RRP36: variants seen among roughly 807,000 people sequenced by gnomAD.
RRP36 encodes ribosomal RNA processing 36.
RRP36 carries 44 observed loss-of-function variants against 39.8 expected under a neutral mutation model. That is an observed-to-expected ratio of 1.10 (90% confidence interval 0.87 to 1.42). The LOEUF (loss-of-function observed/expected upper bound fraction) is 1.42, where lower values mean the gene tolerates loss of function less well. Among genes scored for constraint, RRP36 ranks in the 40% most tolerant of loss-of-function variants. The probability of loss-of-function intolerance (pLI) is 0.00; values close to 1 mark genes in which losing one functional copy is unlikely to be tolerated. For synonymous variants in RRP36, 124 were observed against 123.1 expected (o/e 1.01, Z -0.05); for missense variants, 316 against 322.4 (o/e 0.98, Z 0.15).
intron 6 of RRP36, among the ~76,000 whole-genome samples, chr6:43,028,134 TG>T (rs1018510035): frequency 1.3e-5 from 2 of 150,414 alleles, no homozygotes; most frequent in African/African-American, 4.9e-5. Flanking sequence ...GAGACCAGCC[TG>T]GGGGCCAACA....
At chr6:43,023,577 AG>A (rs1561862214) in intron 1 of RRP36, among the ~76,000 whole-genome samples, 1 of 151,716 alleles carries the variant, frequency 6.6e-6, no homozygotes, top group African/African-American at 2.4e-5. Flanking sequence ...CCTTAGTCCC[AG>A]CTACTGAGGA....
chr6:43,027,893 T>C (rs1404775341), intron 6 of RRP36, among the ~76,000 whole-genome samples: 2 of 142,682 alleles, frequency 1.4e-5, no homozygotes, highest in Non-Finnish European at 1.5e-5. Flanking sequence ...CACAGAGTTT[T>C]ATCTCTTGGT....
intron 1 of RRP36, 27 bp from the exon 2 acceptor site, chr6:43,024,958 G>C: frequency 6.2e-7 from 1 of 1,612,128 alleles, no homozygotes; most frequent in Non-Finnish European, 8.5e-7. Context: ...GCTGAGCTGA[G>C]TTGTATGTCC....
chr6:43,025,403 C>T (rs1762794776), intron 3 of RRP36, 74 bp downstream of exon 3: 2 of 1,350,358 alleles, frequency 1.5e-6, no homozygotes, highest in East Asian at 2.3e-5. Flanking sequence ...TGGGCGATCA[C>T]CTGAGATCAG....
At chr6:43,024,900 C>T (rs1294152741) in intron 1 of RRP36, 85 bp from the exon 2 acceptor site, 10 of 1,505,458 alleles carry the variant, frequency 6.6e-6, no homozygotes, top group Admixed American at 3.5e-5. Flanking sequence ...TTAGGATTAG[C>T]TAGCTAAGGA....
intron 3 of RRP36, among the ~76,000 whole-genome samples, 155 bp from the exon 4 acceptor site, chr6:43,025,882 G>A (rs559412352): frequency 3.3e-5 from 5 of 152,140 alleles, no homozygotes; most frequent in Admixed American, 1.3e-4. Flanking sequence ...GCAGTGAGCC[G>A]AGATTGCACC....
chr6:43,029,118 GAGA>G lies in RRP36; in HGVS notation c.673_675del (p.Lys225del). 6.2e-7 allele frequency: 1 copy of G among 1,614,252 alleles called. No individual in the cohort carries two copies. The highest frequency in any genetic ancestry group is 8.5e-7 in the Non-Finnish European group (1 of 1,180,050). On this transcript the variant is annotated inframe_deletion, in exon 7 of 7. Transcript: ENST00000244496. ...TGAGCAGCGCCAGTTGGCACTAGCT[GAGA>G]AGTTCAAGGAGCTGAAACGCAGCAA...
chr6:43,021,895 G>A (rs1225179827), intron 1 of RRP36, 111 bp downstream of exon 1: 2 of 805,250 alleles, frequency 2.5e-6, no homozygotes, highest in East Asian at 3.7e-5. Flanking sequence ...AGAGGCAGAC[G>A]CTACACTAGG....
At position 43,025,041 on chromosome 6, in the gene RRP36, A is replaced by G; in HGVS notation, c.187A>G (p.Lys63Glu). 1 of 1,614,250 alleles carries G rather than the reference A, an allele frequency of 6.2e-7. No homozygotes were observed. Among genetic ancestry groups the G allele is most frequent in the Non-Finnish European group, 8.5e-7 (1 of 1,180,044 alleles). Residue 63 changes from lysine (K) to glutamate (E), a missense_variant, in exon 2 of 7, where the codon AAG becomes GAG. Lys to Glu is a moderately conservative substitution (Grantham distance 56). Transcript: ENST00000244496. Reference sequence around the variant, plus strand: ...GGAATTGCAGAGCCAAGTGGGGACTAAGACGTACAAACAATTGGTAGCTGG... The same window carrying G: ...GGAATTGCAGAGCCAAGTGGGGACTGAGACGTACAAACAATTGGTAGCTGG... The part of the protein sequence containing the change: ...LLELQSQVGT[K>E]TYKQLVAGNS...
chr6:43,027,872 C>G (rs967182803), intron 6 of RRP36, among the ~76,000 whole-genome samples: 4 of 148,912 alleles, frequency 2.7e-5, no homozygotes, highest in African/African-American at 1.0e-4. Context: ...TTGGTCTATA[C>G]TACACACACA....
Position 43,029,100 on chromosome 6 carries a change from C to G in RRP36, c.652C>G (p.Arg218Gly). ...RPYFLKKSEQ[R>G]QLALAEKFKE... ...TTCTCCCTGTCATTTAGCTGAGCAGCGCCAGTTGGCACTAGCTGAGAAGTT... is the reference window on the plus strand; with the variant it reads ...TTCTCCCTGTCATTTAGCTGAGCAGGGCCAGTTGGCACTAGCTGAGAAGTT... The change falls in exon 7 of 7, where the codon CGC becomes GGC. Residue 218 changes from arginine to glycine, a missense_variant. Arg to Gly is a moderately radical substitution (Grantham distance 125, BLOSUM62 -2). Coordinates refer to ENST00000244496, the MANE Select transcript of RRP36 (RefSeq NM_033112.4). 2 of 1,614,162 alleles carry G rather than the reference C, an allele frequency of 1.2e-6. No homozygotes were observed. Among genetic ancestry groups the G allele is most frequent in the African/African-American group, 2.7e-5 (2 of 75,042 alleles).
At chr6:43,023,259 G>A (rs1762759684) in intron 1 of RRP36, among the ~76,000 whole-genome samples, 2 of 152,112 alleles carry the variant, frequency 1.3e-5, no homozygotes, top group East Asian at 1.9e-4. Context: ...ATTTAGCCAG[G>A]GTGGTGGCCC....
chr6:43,026,290 A>C, intron 4 of RRP36, 149 bp downstream of exon 4: 1 of 537,470 alleles, frequency 1.9e-6, no homozygotes, highest in Non-Finnish European at 3.4e-6. Context: ...CTGGCTCATC[A>C]GTTTACTAGC....
intron 1 of RRP36, among the ~76,000 whole-genome samples, chr6:43,024,428 T>C (rs1481362876): frequency 6.6e-6 from 1 of 152,188 alleles, no homozygotes; most frequent in Non-Finnish European, 1.5e-5. Context: ...TGGCTTTTAC[T>C]GTGAGCAAGA....
In RRP36 at chr6:43,021,762, C is replaced by T; in HGVS notation, c.108C>T (p.Ala36=). The T allele has an allele frequency of 1.0e-6, 1 of 977,512 alleles. No homozygotes were observed. Among genetic ancestry groups the T allele is most frequent in the Non-Finnish European group, 1.2e-6 (1 of 820,336 alleles). 60.6% of individuals were successfully genotyped at this position (977,512 alleles called of 1,614,324 possible). A position where few individuals can be genotyped will look rare whatever the true frequency, so the allele number is the denominator to read the frequency against. The part of the protein sequence containing the change: ...EEDGGGLEPA[A]VARDLLRGTS... ...ACGGCGGGGGCCTGGAGCCCGCGGC[C>T]GTGGCCCGCGACCTATTGAGGGGTG... is the stretch of plus-strand genomic sequence containing the variant. The change falls in exon 1 of 7, where the codon GCC becomes GCT. Residue 36 remains alanine (A), a synonymous_variant. Coordinates refer to ENST00000244496, the MANE Select transcript of RRP36 (RefSeq NM_033112.4).
rs906033109 is a variant in RRP36, at chr6:43,025,404, C to T, written c.345+75C>T. ...TTGGGAGCCCGAGGTGGGCGATCACCTGAGATCAGGAGTTCCAAGACCAGC... is the reference window on the plus strand; with the variant it reads ...TTGGGAGCCCGAGGTGGGCGATCACTTGAGATCAGGAGTTCCAAGACCAGC... On this transcript the variant is annotated intron_variant, in intron 3 of 6. Coordinates refer to ENST00000244496, the MANE Select transcript of RRP36 (RefSeq NM_033112.4). 4 of 1,341,458 alleles carry T rather than the reference C, an allele frequency of 3.0e-6. No individual in the cohort carries two copies. In the African/African-American group the frequency reaches 4.3e-5, roughly 15 times the overall value. 83.1% of individuals were successfully genotyped at this position (1,341,458 alleles called of 1,614,324 possible).
chr6:43,026,899 C>T (rs1762820457), intron 4 of RRP36, among the ~76,000 whole-genome samples: 1 of 135,608 alleles, frequency 7.4e-6, no homozygotes, highest in Non-Finnish European at 1.5e-5. Context: ...TTAGTCTCTA[C>T]TAAAATAAAA....
In RRP36 at chr6:43,029,126, C is replaced by A. The variant is rs371847127; in HGVS notation, c.678C>A (p.Phe226Leu). 21 of 1,614,094 alleles carry A rather than the reference C, an allele frequency of 1.3e-5. No homozygotes were observed. In the African/African-American group the frequency reaches 2.8e-4, roughly 22 times the overall value. ...EQRQLALAEK[F>L]KELKRSKKLE... is the part of the protein sequence containing the mutation. ...GCCAGTTGGCACTAGCTGAGAAGTTCAAGGAGCTGAAACGCAGCAAGAAAT... is the reference window on the plus strand; with the variant it reads ...GCCAGTTGGCACTAGCTGAGAAGTTAAAGGAGCTGAAACGCAGCAAGAAAT... Residue 226 changes from phenylalanine (F) to leucine (L), a missense_variant, in exon 7 of 7, where the codon TTC becomes TTA. Physicochemically the swap from Phe to Leu is conservative, Grantham distance 22 (BLOSUM62 0). Coordinates refer to ENST00000244496, the MANE Select transcript of RRP36 (RefSeq NM_033112.4).
intron 6 of RRP36, among the ~76,000 whole-genome samples, chr6:43,028,521 A>G (rs2150297793): frequency 6.6e-6 from 1 of 151,048 alleles, no homozygotes; most frequent in Middle Eastern, 3.5e-3. Flanking sequence ...GGTGCTGTGC[A>G]TCTGTAATCC....
Sources: allele counts gnomAD v4.1 joint callset (sites outside exome capture counted in the v4.1 genomes callset), GRCh38; gene constraint gnomAD v4.1.1; transcripts MANE v1.5; gene names NCBI Gene and HGNC (gene_info 2026-07-23, HGNC 2026-07-21).